Variants in ZNF804A observed in about 807,000 individuals in gnomAD.
ZNF804A encodes zinc finger protein 804A.
ZNF804A carries 2 observed loss-of-function variants against 16.5 expected under a neutral mutation model. The observed-to-expected ratio is 0.12, with a 90% CI of 0.05 to 0.38. The LOEUF is 0.38. ZNF804A is among the 10% of genes least tolerant of loss of function. The pLI is 0.99. For synonymous variants in ZNF804A, 534 were observed against 489.6 expected (o/e 1.09, Z -1.20); for missense variants, 1,473 against 1,390.7 (o/e 1.06, Z -0.94).
rs758376443 is a variant in ZNF804A at position 184,855,615 on chromosome 2, T to TATAC, written c.112-10753_112-10752insTACA. On this transcript the variant is annotated intron_variant, in intron 1 of 3. Transcript: ENST00000302277. ...GTACACATACACATATATATATATA[T>TATAC]ACACACACACACACACACACACATA... Among the ~76,000 whole-genome samples the TATAC allele has an allele frequency of 7.8e-3, 940 of 120,698 alleles. 10 individuals are homozygous for TATAC. The highest frequency in any genetic ancestry group is 0.036 in the African/African-American group (778 of 21,478). 79.2% of individuals were successfully genotyped at this position (120,698 alleles called of 152,430 possible).
intron 2 of ZNF804A, among the ~76,000 whole-genome samples, chr2:184,872,820 T>G (rs1042692683): frequency 6.6e-6 from 1 of 152,136 alleles, no homozygotes; most frequent in African/African-American, 2.4e-5. Context: ...AGTGGTGAGA[T>G]CTTGCCTAAC....
At chr2:184,790,678 A>C (rs1311499360) in intron 1 of ZNF804A, among the ~76,000 whole-genome samples, 4 of 151,850 alleles carry the variant, frequency 2.6e-5, no homozygotes. Context: ...ATCTCGGCTC[A>C]CTGCAAGCTC....
intron 1 of ZNF804A, among the ~76,000 whole-genome samples, chr2:184,665,037 T>A (rs1373639806): frequency 6.6e-6 from 1 of 152,146 alleles, no homozygotes; most frequent in African/African-American, 2.4e-5. Context: ...TTTCTTTAAA[T>A]CACAAATATA....
Position 184,835,759 on chromosome 2 carries a change from G to A in ZNF804A, c.112-30610G>A, listed in dbSNP as rs577568942. Among the ~76,000 whole-genome samples, 227 of 152,204 alleles carry A rather than the reference G, an allele frequency of 1.5e-3. 1 individual carries two copies. The highest frequency in any genetic ancestry group is 3.6e-3 in the Admixed American group (55 of 15,266). The stretch of plus-strand genomic sequence containing the variant: ...CAGACACAGGTGGAGAACATTTGGT[G>A]GAAGGAAGAGCAGCAATGGAGACAC... On this transcript the variant is annotated intron_variant, in intron 1 of 3. Transcript: ENST00000302277.
chr2:184,707,163 T>G (rs191693335), intron 1 of ZNF804A, among the ~76,000 whole-genome samples: 5 of 152,290 alleles, frequency 3.3e-5, no homozygotes, highest in African/African-American at 9.6e-5. Context: ...CGTTAACTTT[T>G]TTTTTAGAAT....
At chr2:184,837,831 A>G (rs996837310) in intron 1 of ZNF804A, among the ~76,000 whole-genome samples, 9 of 152,192 alleles carry the variant, frequency 5.9e-5, no homozygotes, top group African/African-American at 1.9e-4. Context: ...GATGCCTGGC[A>G]TGAACAGCTC....
At chr2:184,905,733 T>G (rs1685262069) in intron 2 of ZNF804A, among the ~76,000 whole-genome samples, 1 of 152,192 alleles carries the variant, frequency 6.6e-6, no homozygotes, top group South Asian at 2.1e-4. Flanking sequence ...TGTTTCCATC[T>G]AGGGGGTGAT....
intron 1 of ZNF804A, among the ~76,000 whole-genome samples, chr2:184,864,157 G>C: frequency 6.6e-6 from 1 of 152,126 alleles, no homozygotes. Flanking sequence ...GCTGTCATCT[G>C]CATCTGATGA....
At chr2:184,722,652 C>T (rs1048989211) in intron 1 of ZNF804A, among the ~76,000 whole-genome samples, 2 of 151,922 alleles carry the variant, frequency 1.3e-5, no homozygotes, top group African/African-American at 2.4e-5. Context: ...ACCACTGATA[C>T]GTGTTCAACA....
chr2:184,865,474 G>A (rs1289468968), intron 1 of ZNF804A, among the ~76,000 whole-genome samples: 1 of 152,018 alleles, frequency 6.6e-6, no homozygotes, highest in Non-Finnish European at 1.5e-5. Context: ...CACATGTGGC[G>A]AGAGGGGGCA....
chr2:184,819,552 C>T (rs1234574089), intron 1 of ZNF804A, among the ~76,000 whole-genome samples: 2 of 151,352 alleles, frequency 1.3e-5, no homozygotes, highest in Non-Finnish European at 2.9e-5. Flanking sequence ...TAGCAGAAGA[C>T]AAGAAATAAC....
At chr2:184,887,233 C>G (rs56310614) in intron 2 of ZNF804A, among the ~76,000 whole-genome samples, 1 of 152,288 alleles carries the variant, frequency 6.6e-6, no homozygotes, top group East Asian at 1.9e-4. Flanking sequence ...ACAAGAGTCA[C>G]CTTTGCTCCA....
chr2:184,745,837 T>C (rs1470081067), intron 1 of ZNF804A, among the ~76,000 whole-genome samples: 1 of 151,600 alleles, frequency 6.6e-6, no homozygotes, highest in African/African-American at 2.4e-5. Context: ...ATGGAAAATA[T>C]AGATTGAGTG....
chr2:184,886,679 T>C (rs1684896492), intron 2 of ZNF804A, among the ~76,000 whole-genome samples: 1 of 152,208 alleles, frequency 6.6e-6, no homozygotes, highest in Non-Finnish European at 1.5e-5. Flanking sequence ...CTCAACACCA[T>C]GTGAAAGCTG....
chr2:184,894,938 C>G (rs528200243), intron 2 of ZNF804A, among the ~76,000 whole-genome samples: 2 of 152,062 alleles, frequency 1.3e-5, no homozygotes, highest in Admixed American at 1.3e-4. Context: ...CGTGATCCCC[C>G]CACGTCGGCC....
At chr2:184,784,210 A>G (rs1007570920) in intron 1 of ZNF804A, among the ~76,000 whole-genome samples, 10 of 152,036 alleles carry the variant, frequency 6.6e-5, no homozygotes, top group South Asian at 2.1e-4. Flanking sequence ...ATTGAAGACA[A>G]TCTTCAACTG....
intron 2 of ZNF804A, among the ~76,000 whole-genome samples, chr2:184,877,280 G>C (rs1684716916): frequency 6.6e-6 from 1 of 151,924 alleles, no homozygotes; most frequent in Non-Finnish European, 1.5e-5. Context: ...CCTTTATTCT[G>C]TATAGATTTA....
chr2:184,603,570 G>A (rs577165432), intron 1 of ZNF804A, among the ~76,000 whole-genome samples: 2 of 152,026 alleles, frequency 1.3e-5, no homozygotes, highest in African/African-American at 2.4e-5. Context: ...TCTTCTCATC[G>A]AAACCCATTT....
At chr2:184,614,573 A>G (rs1691289956) in intron 1 of ZNF804A, among the ~76,000 whole-genome samples, 1 of 152,088 alleles carries the variant, frequency 6.6e-6, no homozygotes, top group African/African-American at 2.4e-5. Context: ...TCCTGGCATT[A>G]TTAATAATGA....
Sources: allele counts gnomAD v4.1 joint callset (sites outside exome capture counted in the v4.1 genomes callset), GRCh38; gene constraint gnomAD v4.1.1; transcripts MANE v1.5; gene names NCBI Gene and HGNC (gene_info 2026-07-23, HGNC 2026-07-21).